Variants in FGD6 observed in about 807,000 individuals in gnomAD.
FGD6 encodes the protein FYVE, RhoGEF and PH domain containing 6, also known as FYVE, RhoGEF and PH domain-containing protein 6.
A neutral mutation model predicts 149.4 loss-of-function variants in FGD6; 90 were observed. That is an observed-to-expected ratio of 0.60 (90% CI 0.51 to 0.72). FGD6 has a LOEUF of 0.72. FGD6 is among the 30% of genes least tolerant of loss of function. The probability of loss-of-function intolerance (pLI) is 0.00; values close to 1 mark genes in which losing one functional copy is unlikely to be tolerated. For synonymous variants in FGD6, 527 were observed against 584.0 expected, an observed-to-expected ratio of 0.90 and a Z score of 1.41; for missense variants, 1,437 against 1,684.8, an observed-to-expected ratio of 0.85 and a Z score of 2.57.
At chr12:95,082,013 T>A (rs1351210839) in intron 20 of FGD6, among the ~76,000 whole-genome samples, 1 of 152,094 alleles carries the variant, frequency 6.6e-6, no homozygotes, top group Non-Finnish European at 1.5e-5. Flanking sequence ...TCTGCATACA[T>A]GGAACTACCC....
intron 8 of FGD6, among the ~76,000 whole-genome samples, chr12:95,122,706 A>G (rs186242409): frequency 5.9e-5 from 9 of 151,376 alleles, no homozygotes; most frequent in African/African-American, 1.7e-4. Context: ...CTGCTTCTCA[A>G]ATACTCATTC....
intron 2 of FGD6, among the ~76,000 whole-genome samples, chr12:95,180,324 T>G (rs1240077237): frequency 6.6e-6 from 1 of 151,846 alleles, no homozygotes; most frequent in Non-Finnish European, 1.5e-5. Context: ...ATAAATATAG[T>G]TGAAGTACAG....
rs2056717275 is a variant in FGD6, at chr12:95,210,160, A to G, written c.1124T>C (p.Val375Ala). ...TTTATTTCCTAGCTTCATTTTATCCACCTGTTCCTGCTTACACAAAACATT... is the reference window on the plus strand; with the variant it reads ...TTTATTTCCTAGCTTCATTTTATCCGCCTGTTCCTGCTTACACAAAACATT... ...HQNVLCKQEQ[V>A]DKMKLGNKSE... Residue 375 changes from valine to alanine, a missense_variant, in exon 2 of 21, where the codon GTG becomes GCG. Physicochemically the swap from Val to Ala is moderately conservative, Grantham distance 64. Coordinates refer to ENST00000343958, the MANE Select transcript of FGD6 (RefSeq NM_018351.4). 2 of 1,613,872 alleles carry G rather than the reference A, an allele frequency of 1.2e-6. No homozygotes were observed. Among genetic ancestry groups the G allele is most frequent in the East Asian group, 4.5e-5 (2 of 44,888 alleles).
At chr12:95,159,670 C>T (rs1033496196) in intron 3 of FGD6, among the ~76,000 whole-genome samples, 3 of 152,082 alleles carry the variant, frequency 2.0e-5, no homozygotes, top group Non-Finnish European at 4.4e-5. Context: ...CCTCTCTCTA[C>T]AGACAATACA....
intron 2 of FGD6, among the ~76,000 whole-genome samples, chr12:95,200,950 C>A (rs1337918648): frequency 2.0e-5 from 3 of 151,794 alleles, no homozygotes; most frequent in Non-Finnish European, 4.4e-5. Flanking sequence ...ATAACACGAA[C>A]TGTTCTTTGT....
chr12:95,078,335 G>C lies in FGD6; in HGVS notation c.*3185C>G, dbSNP rs1169135530. ...AAAGTGGATTTCAAACTTTTCAAAA[G>C]CTGAGCACAATGGAAGCACACTCCA... On this transcript the variant is annotated 3_prime_UTR_variant, in exon 21 of 21. Coordinates refer to ENST00000343958, the MANE Select transcript of FGD6 (RefSeq NM_018351.4). 1.3e-5 allele frequency: 2 copies of C among 152,176 alleles called. No individual in the cohort carries two copies. The highest frequency in any genetic ancestry group is 4.8e-5 in the African/African-American group (2 of 41,444). The allele number at this position is 152,176 out of a possible 1,614,324, so 9.4% of individuals were successfully genotyped here.
At chr12:95,117,601 AT>A (rs1479612853) in intron 8 of FGD6, among the ~76,000 whole-genome samples, 1 of 150,016 alleles carries the variant, frequency 6.7e-6, no homozygotes, top group African/African-American at 2.5e-5. Flanking sequence ...TAAGTTTTTG[AT>A]TTTTTGTAGA....
chr12:95,081,683 G>GTT (rs1276222486), intron 20 of FGD6, 127 bp from the exon 21 acceptor site: 21 of 279,314 alleles, frequency 7.5e-5, no homozygotes, highest in Non-Finnish European at 9.7e-5. Context: ...ATATATATAT[G>GTT]TATTTTTTTT....
At chr12:95,107,497 A>C in intron 12 of FGD6, 66 bp downstream of exon 12, 1 of 1,519,454 alleles carries the variant, frequency 6.6e-7, no homozygotes, top group South Asian at 1.1e-5. Context: ...ACCATGTATA[A>C]ACGTCTCCTT....
intron 1 of FGD6, among the ~76,000 whole-genome samples, chr12:95,215,076 G>T (rs2056747209): frequency 6.6e-6 from 1 of 152,040 alleles, no homozygotes; most frequent in Non-Finnish European, 1.5e-5. Context: ...GGCCAGGCTG[G>T]TCTCAAACTC....
chr12:95,145,737 C>T (rs187701971), intron 5 of FGD6, among the ~76,000 whole-genome samples: 115 of 151,958 alleles, frequency 7.6e-4, no homozygotes, highest in African/African-American at 2.7e-3. Flanking sequence ...GAGTGTGGTA[C>T]GATCTCGGCT....
At chr12:95,085,020 G>C (rs1327823373) in intron 19 of FGD6, among the ~76,000 whole-genome samples, 1 of 152,172 alleles carries the variant, frequency 6.6e-6, no homozygotes, top group Non-Finnish European at 1.5e-5. Context: ...CCCTACAGCA[G>C]TGTTTTCATA....
intron 3 of FGD6, among the ~76,000 whole-genome samples, chr12:95,164,985 A>G (rs985478266): frequency 2.6e-5 from 4 of 152,218 alleles, no homozygotes; most frequent in African/African-American, 9.6e-5. Context: ...AAATCAATAT[A>G]TAAGAAAGAT....
chr12:95,214,807 CA>C (rs1328515427), intron 1 of FGD6, among the ~76,000 whole-genome samples: 2 of 150,550 alleles, frequency 1.3e-5, no homozygotes, highest in African/African-American at 2.4e-5. Context: ...TGTACATGTT[CA>C]AAAGGACACA....
intron 2 of FGD6, among the ~76,000 whole-genome samples, chr12:95,180,847 A>G (rs1327241372): frequency 1.3e-5 from 2 of 152,088 alleles, no homozygotes; most frequent in African/African-American, 2.4e-5. Context: ...ATATATACAC[A>G]TATTTTTATA....
intron 8 of FGD6, among the ~76,000 whole-genome samples, chr12:95,129,092 AGAAG>A (rs142848814): frequency 0.051 from 7,781 of 152,234 alleles, 283 homozygotes; most frequent in Non-Finnish European, 0.076. Flanking sequence ...GCGTGAGTTT[AGAAG>A]GGCCTGGCCT....
At chr12:95,128,160 A>T (rs1049734509) in intron 8 of FGD6, among the ~76,000 whole-genome samples, 3 of 152,238 alleles carry the variant, frequency 2.0e-5, no homozygotes, top group African/African-American at 7.2e-5. Context: ...CCTTACAAAA[A>T]TAACACATCA....
At chr12:95,083,937 T>C (rs555798150) in intron 20 of FGD6, among the ~76,000 whole-genome samples, 1 of 152,362 alleles carries the variant, frequency 6.6e-6, no homozygotes, top group Admixed American at 6.5e-5. Flanking sequence ...TGATAACATC[T>C]AAGTAAAGAT....
chr12:95,168,850 G>C (rs907334664), intron 3 of FGD6, among the ~76,000 whole-genome samples: 1 of 152,106 alleles, frequency 6.6e-6, no homozygotes, highest in Non-Finnish European at 1.5e-5. Flanking sequence ...TAAGTAAGTT[G>C]TTCAAGATCA....
Sources: allele counts gnomAD v4.1 joint callset (sites outside exome capture counted in the v4.1 genomes callset), GRCh38; gene constraint gnomAD v4.1.1; transcripts MANE v1.5; gene names NCBI Gene and HGNC (gene_info 2026-07-23, HGNC 2026-07-21).